The following TCF12 variants were observed in gnomAD, a reference collection of about 807,000 sequenced individuals.
The protein encoded by TCF12 is DNA-binding protein HTF4.
TCF12 carries 45 observed loss-of-function variants against 86.0 expected under a neutral mutation model. The observed-to-expected ratio is 0.52, with a 90% CI of 0.41 to 0.67. The LOEUF (loss-of-function observed/expected upper bound fraction) is 0.67, where lower values mean the gene tolerates loss of function less well. Among genes scored for constraint, TCF12 ranks in the 30% least tolerant of loss-of-function variants. The pLI is 0.00. For missense variants in TCF12, 881 were observed against 859.9 expected (o/e 1.02, Z -0.31); for synonymous variants, 330 against 299.6 (o/e 1.10, Z -1.05).
At chr15:57,050,829 A>G (rs1323660928) in intron 3 of TCF12, among the ~76,000 whole-genome samples, 2 of 152,082 alleles carry the variant, frequency 1.3e-5, no homozygotes, top group Non-Finnish European at 2.9e-5. Context: ...CATTTCAGAT[A>G]TTGTGCTTGT....
chr15:57,010,052 T>A (rs2064726986), intron 3 of TCF12, among the ~76,000 whole-genome samples: 1 of 152,156 alleles, frequency 6.6e-6, no homozygotes, highest in Admixed American at 6.5e-5. Context: ...ACATTTAACA[T>A]AGGTTTATGA....
chr15:57,113,149 A>T (rs140213142), intron 5 of TCF12, among the ~76,000 whole-genome samples: 212 of 151,854 alleles, frequency 1.4e-3, no homozygotes, highest in Non-Finnish European at 2.1e-3. Context: ...AGTATCCCAC[A>T]CTCTGGCCAT....
chr15:57,153,166 T>C (rs1458710189), intron 5 of TCF12, among the ~76,000 whole-genome samples: 1 of 152,224 alleles, frequency 6.6e-6, no homozygotes, highest in African/African-American at 2.4e-5. Flanking sequence ...CCCAGCAGAC[T>C]ACAATAACTG....
intron 3 of TCF12, among the ~76,000 whole-genome samples, chr15:56,996,431 C>G (rs2063717003): frequency 6.6e-6 from 1 of 152,166 alleles, no homozygotes; most frequent in Non-Finnish European, 1.5e-5. Context: ...CTTTTAATAA[C>G]TGGCTATCCA....
At chr15:57,197,152 CTTTTTTT>C (rs138145337) in intron 7 of TCF12, among the ~76,000 whole-genome samples, 3 of 87,260 alleles carry the variant, frequency 3.4e-5, no homozygotes, top group Non-Finnish European at 6.4e-5. Flanking sequence ...AGAACAGCTT[CTTTTTTT>C]TTTTTTTTTT....
chr15:57,076,273 C>A (rs2151030562), intron 4 of TCF12, among the ~76,000 whole-genome samples: 1 of 152,198 alleles, frequency 6.6e-6, no homozygotes, highest in South Asian at 2.1e-4. Context: ...TGATCCAAAA[C>A]ATTTATGTAT....
intron 3 of TCF12, among the ~76,000 whole-genome samples, chr15:57,030,811 T>C (rs1323774830): frequency 6.6e-6 from 1 of 152,246 alleles, no homozygotes; most frequent in Non-Finnish European, 1.5e-5. Flanking sequence ...CTGATTAGTA[T>C]GTGACACATT....
chr15:57,042,379 G>A (rs1449304214), intron 3 of TCF12, among the ~76,000 whole-genome samples: 1 of 151,970 alleles, frequency 6.6e-6, no homozygotes, highest in African/African-American at 2.4e-5. Context: ...AAAGAAATGG[G>A]CATCACTTTT....
At chr15:57,084,971 T>C (rs2048532663) in intron 4 of TCF12, among the ~76,000 whole-genome samples, 1 of 152,150 alleles carries the variant, frequency 6.6e-6, no homozygotes. Flanking sequence ...GGTAATTTTA[T>C]AAAAATACTT....
chr15:57,201,964 G>A (rs1483559789), intron 8 of TCF12, among the ~76,000 whole-genome samples: 1 of 152,130 alleles, frequency 6.6e-6, no homozygotes, highest in African/African-American at 2.4e-5. Flanking sequence ...GGAAAAAAAG[G>A]AAACATTTGT....
rs147821135 is a variant in TCF12, at chr15:57,126,548, A to G, written c.325+34657A>G. 4.4e-3 allele frequency among the ~76,000 whole-genome samples: 660 copies of G among 151,364 alleles called. 4 individuals carry two copies. Among genetic ancestry groups the G allele is most frequent in the Admixed American group, 0.011 (155 of 14,604 alleles). ...AAAACTAAAACCCTTCCTTTAATCT[A>G]CATATTGGAAAAACCTCAGTTGCTG... On this transcript the variant is annotated intron_variant, in intron 5 of 20. Transcript: ENST00000333725.
At chr15:57,075,819 TC>T (rs1355669855) in intron 4 of TCF12, among the ~76,000 whole-genome samples, 24 of 54,062 alleles carry the variant, frequency 4.4e-4, no homozygotes, top group African/African-American at 1.8e-3. Flanking sequence ...TCTCTCTCTC[TC>T]TCTCTCTCTC....
intron 4 of TCF12, 145 bp from the exon 5 acceptor site, chr15:57,091,644 T>C: frequency 2.1e-6 from 1 of 479,316 alleles, no homozygotes. Flanking sequence ...GCACTTCTGC[T>C]GTTAGCTTTT....
At chr15:57,068,297 G>A (rs1311077907) in intron 4 of TCF12, among the ~76,000 whole-genome samples, 1 of 152,096 alleles carries the variant, frequency 6.6e-6, no homozygotes, top group East Asian at 1.9e-4. Context: ...CTATATAAGT[G>A]TTGGCTTTAA....
chr15:57,126,553 T>C (rs1208088646), intron 5 of TCF12, among the ~76,000 whole-genome samples: 2 of 151,182 alleles, frequency 1.3e-5, no homozygotes, highest in African/African-American at 2.4e-5. Flanking sequence ...AATCTACATA[T>C]TGGAAAAACC....
chr15:57,043,686 A>C (rs1392208647), intron 3 of TCF12, among the ~76,000 whole-genome samples: 1 of 152,240 alleles, frequency 6.6e-6, no homozygotes, highest in Non-Finnish European at 1.5e-5. Flanking sequence ...AGTAAAAGAT[A>C]CTGAATTTCT....
At chr15:57,258,351 G>A (rs16977353) in intron 16 of TCF12, among the ~76,000 whole-genome samples, 7,366 of 152,164 alleles carry the variant, frequency 0.048, 492 homozygotes, top group African/African-American at 0.15. Context: ...TAAAGTTAGC[G>A]ACATCCCATT....
chr15:57,015,768 A>G (rs1468764478), intron 3 of TCF12, among the ~76,000 whole-genome samples: 2 of 152,196 alleles, frequency 1.3e-5, no homozygotes, highest in African/African-American at 4.8e-5. Flanking sequence ...CTGATGGAAG[A>G]CCTTGTTTGA....
chr15:57,176,820 G>T (rs2055945974), intron 6 of TCF12, among the ~76,000 whole-genome samples: 1 of 152,162 alleles, frequency 6.6e-6, no homozygotes, highest in Non-Finnish European at 1.5e-5. Flanking sequence ...TAAGTAATAA[G>T]GGAATGATGG....
Sources: gnomAD v4.1 joint callset for allele counts (sites outside exome capture counted in the v4.1 genomes callset) on GRCh38, gnomAD v4.1.1 for gene constraint, MANE v1.5 for transcripts, NCBI Gene and HGNC (gene_info 2026-07-23, HGNC 2026-07-21) for gene names.